The following MYO3B variants were observed in gnomAD, a reference collection of about 807,000 sequenced individuals.
The protein encoded by MYO3B is myosin IIIB, also known as myosin-IIIb.
Under a neutral mutation model 174.6 loss-of-function variants are expected in MYO3B, and 156 were observed. The ratio of observed to expected loss-of-function variants is 0.89; its 90% CI spans 0.78 to 1.02. MYO3B has a LOEUF of 1.02. Ranked by LOEUF, MYO3B falls within the 50% of genes least tolerant of loss-of-function variation. The probability of loss-of-function intolerance (pLI) is 0.00; values close to 1 mark genes in which losing one functional copy is unlikely to be tolerated. For missense variants in MYO3B, 1,632 were observed against 1,639.4 expected, an observed-to-expected ratio of 1.00 and a Z score of 0.08; for synonymous variants, 563 against 569.1, an observed-to-expected ratio of 0.99 and a Z score of 0.15.
At chr2:170,586,108 C>T (rs1408334286) in intron 32 of MYO3B, among the ~76,000 whole-genome samples, 1 of 152,162 alleles carries the variant, frequency 6.6e-6, no homozygotes, top group Non-Finnish European at 1.5e-5. Context: ...GGAAGCAGCA[C>T]CTTTGGCGGA....
chr2:170,647,305 A>G (rs955325000), intron 32 of MYO3B, among the ~76,000 whole-genome samples: 5 of 152,136 alleles, frequency 3.3e-5, no homozygotes, highest in African/African-American at 1.2e-4. Flanking sequence ...GAAAACAGGG[A>G]CTTTGTCTTA....
chr2:170,631,046 C>T (rs1023001499), intron 32 of MYO3B, among the ~76,000 whole-genome samples: 110 of 152,278 alleles, frequency 7.2e-4, no homozygotes, highest in African/African-American at 2.3e-3. Context: ...CAAAGCTGGA[C>T]GGAGAATGAC....
chr2:170,305,610 T>G (rs913530980), intron 7 of MYO3B, among the ~76,000 whole-genome samples: 2 of 152,154 alleles, frequency 1.3e-5, no homozygotes, highest in African/African-American at 4.8e-5. Flanking sequence ...AGGACACTTT[T>G]CCCTGTGCCC....
chr2:170,197,817 T>G (rs184197727), intron 1 of MYO3B, among the ~76,000 whole-genome samples: 1 of 152,236 alleles, frequency 6.6e-6, no homozygotes, highest in Admixed American at 6.5e-5. Context: ...TTATGGTAAT[T>G]TTGGCTAATT....
chr2:170,649,660 C>T (rs141394328), intron 32 of MYO3B, among the ~76,000 whole-genome samples: 1 of 150,246 alleles, frequency 6.7e-6, no homozygotes, highest in African/African-American at 2.4e-5. Flanking sequence ...AACCCCATCT[C>T]TACAAAAAAT....
chr2:170,405,169 G>A (rs6740506), intron 20 of MYO3B, among the ~76,000 whole-genome samples: 136,423 of 152,276 alleles, frequency 0.9, 61,696 homozygotes, highest in Middle Eastern at 0.98. Flanking sequence ...TCACTTTTAT[G>A]AGTTGAAATT....
rs201580451 is a variant in MYO3B, at chr2:170,181,478, AATG to A, written c.2+3194_2+3196del. Among the ~76,000 whole-genome samples the A allele has an allele frequency of 6.1e-3, 935 of 152,186 alleles. 7 individuals carry two copies. Among genetic ancestry groups the A allele is most frequent in the African/African-American group, 0.02 (844 of 41,530 alleles). ...TGGCTTCACCACAGTATTCAATATA[AATG>A]ATGAGAGCAGACATCCTTGGCTTCT... On this transcript the variant is annotated intron_variant, in intron 1 of 34. Coordinates refer to ENST00000408978, the MANE Select transcript of MYO3B (RefSeq NM_138995.5).
At chr2:170,561,406 T>G (rs990455335) in intron 32 of MYO3B, among the ~76,000 whole-genome samples, 5 of 152,198 alleles carry the variant, frequency 3.3e-5, no homozygotes, top group African/African-American at 1.2e-4. Flanking sequence ...GACAATCTTT[T>G]CTTCAGCAGT....
At chr2:170,627,223 C>T (rs1342346303) in intron 32 of MYO3B, among the ~76,000 whole-genome samples, 2 of 152,166 alleles carry the variant, frequency 1.3e-5, no homozygotes, top group Non-Finnish European at 2.9e-5. Flanking sequence ...CACATAGTCC[C>T]CTATTTCTTG....
At chr2:170,367,570 A>G (rs1325840840) in intron 8 of MYO3B, among the ~76,000 whole-genome samples, 1 of 152,158 alleles carries the variant, frequency 6.6e-6, no homozygotes, top group African/African-American at 2.4e-5. Context: ...TCCTAATGCT[A>G]GGAGGACTGG....
In MYO3B at chr2:170,525,324, A is replaced by T. The variant is rs551378369; in HGVS notation, c.3575+5784A>T. On this transcript the variant is annotated intron_variant, in intron 30 of 34. Coordinates refer to ENST00000408978, the MANE Select transcript of MYO3B (RefSeq NM_138995.5). ...CTGTGTACAGTGAATGCCAAAATGG[A>T]AATAGTCTTTTATGTTGTGGGGCTT... 1.3e-4 allele frequency among the ~76,000 whole-genome samples: 20 copies of T among 152,358 alleles called. No individual in the cohort carries two copies. In the South Asian group the frequency reaches 3.7e-3, roughly 28 times the overall value.
At chr2:170,430,356 A>T (rs571611752) in intron 22 of MYO3B, among the ~76,000 whole-genome samples, 10 of 144,564 alleles carry the variant, frequency 6.9e-5, no homozygotes, top group Admixed American at 2.8e-4. Flanking sequence ...TTCCATAAAA[A>T]TTTTTTTTTC....
In MYO3B at chr2:170,649,330, T is replaced by TTATATATAAAATAATATATA. The variant is rs1559202379; in HGVS notation, c.3734-2298_3734-2297insTATATATAAAATAATATATA. ...ATATATTATATATAAAATAATATAA[T>TTATATATAAAATAATATATA]ATATATTATATATAAAATAATATAT... On this transcript the variant is annotated intron_variant, in intron 32 of 34. Coordinates refer to ENST00000408978, the MANE Select transcript of MYO3B (RefSeq NM_138995.5). Among the ~76,000 whole-genome samples the TTATATATAAAATAATATATA allele has an allele frequency of 6.6e-4, 59 of 89,982 alleles. 10 individuals are homozygous for TTATATATAAAATAATATATA. The highest frequency in any genetic ancestry group is 2.7e-3 in the African/African-American group (51 of 18,882). The allele number at this position is 89,982 out of a possible 152,430, so 59.0% of individuals were successfully genotyped here. A position where few individuals can be genotyped will look rare whatever the true frequency, so the allele number is the denominator to read the frequency against.
At chr2:170,330,230 G>A (rs1265823738) in intron 7 of MYO3B, among the ~76,000 whole-genome samples, 2 of 152,142 alleles carry the variant, frequency 1.3e-5, no homozygotes, top group Admixed American at 6.5e-5. Flanking sequence ...TCTCCTTGGT[G>A]AGTGTGCTTT....
At chr2:170,585,019 C>T (rs1693409952) in intron 32 of MYO3B, among the ~76,000 whole-genome samples, 1 of 152,198 alleles carries the variant, frequency 6.6e-6, no homozygotes, top group African/African-American at 2.4e-5. Flanking sequence ...CTTGGCTACA[C>T]ATTGAAATCA....
intron 7 of MYO3B, among the ~76,000 whole-genome samples, chr2:170,290,907 A>G (rs1034885367): frequency 2.0e-5 from 3 of 152,094 alleles, no homozygotes; most frequent in Non-Finnish European, 4.4e-5. Flanking sequence ...ATAACAGGTT[A>G]CTTTAAAGAG....
intron 7 of MYO3B, among the ~76,000 whole-genome samples, chr2:170,277,700 A>G (rs1349788709): frequency 1.3e-5 from 2 of 150,560 alleles, no homozygotes; most frequent in African/African-American, 2.5e-5. Flanking sequence ...AAAGTAATAT[A>G]TGCCGACCAA....
chr2:170,475,526 A>T lies in MYO3B; in HGVS notation c.3014+8815A>T, dbSNP rs184186519. ...CACCTTGGCCTCCCAAAGTGCTGGG[A>T]TTACAGGTGTGAGCCACCACGTCCA... On this transcript the variant is annotated intron_variant, in intron 25 of 34. Transcript: ENST00000408978. Among the ~76,000 whole-genome samples, 208 of 152,294 alleles carry T rather than the reference A, an allele frequency of 1.4e-3. 3 individuals are homozygous for T. The highest frequency in any genetic ancestry group is 0.011 in the Admixed American group (174 of 15,294).
At chr2:170,304,439 C>G (rs2093686316) in intron 7 of MYO3B, among the ~76,000 whole-genome samples, 2 of 150,302 alleles carry the variant, frequency 1.3e-5, no homozygotes, top group Admixed American at 1.3e-4. Flanking sequence ...CTCATTTTTT[C>G]ACTTTATTTT....
Sources: gnomAD v4.1 joint callset for allele counts (sites outside exome capture counted in the v4.1 genomes callset) on GRCh38, gnomAD v4.1.1 for gene constraint, MANE v1.5 for transcripts, NCBI Gene and HGNC (gene_info 2026-07-23, HGNC 2026-07-21) for gene names.